Variants in RGP1 observed in about 807,000 individuals in gnomAD.
RGP1 encodes RGP1 partner of RAB6A GEF complex.
A neutral mutation model predicts 44.5 loss-of-function variants in RGP1; 28 were observed. The ratio of observed to expected loss-of-function variants is 0.63; its 90% confidence interval spans 0.47 to 0.86. RGP1 has a LOEUF of 0.86. RGP1 is among the 40% of genes least tolerant of loss of function. The pLI is 0.00. For missense variants in RGP1, 417 were observed against 490.7 expected (o/e 0.85, Z 1.42); for synonymous variants, 212 against 196.7 (o/e 1.08, Z -0.65).
At chr9:35,768,996 C>G in the RGP1 span, among the ~76,000 whole-genome samples, 4 of 152,204 alleles carry the variant, frequency 2.6e-5, no homozygotes, top group African/African-American at 9.7e-5. Flanking sequence ...GCTCACCCAC[C>G]ACTTTCGATA....
the RGP1 span, among the ~76,000 whole-genome samples, chr9:35,789,182 T>C: frequency 6.6e-6 from 1 of 152,092 alleles, no homozygotes. Flanking sequence ...CACGCCCAGC[T>C]AATTTTTGTG....
Position 35,749,848 on chromosome 9 carries a change from G to C in RGP1, c.93G>C (p.Pro31=), listed in dbSNP as rs2236288. Residue 31 remains proline, a synonymous_variant, in exon 2 of 9, where the codon CCG becomes CCC. Coordinates refer to ENST00000378078, the MANE Select transcript of RGP1 (RefSeq NM_001080496.3). The surrounding 1 kb of genome is among the most constrained non-coding windows in gnomAD (Gnocchi z 4.4). ...TAGTGACCGTCACCAACCCCCTTCC[G>C]CCCACGGCCACTTCTGCATCCAGGT... The part of the protein sequence containing the change: ...ECVVTVTNPL[P]PTATSASSEA... 0.23 allele frequency: 377,720 copies of C among 1,611,268 alleles called. 47,520 individuals are homozygous for C. Among genetic ancestry groups the C allele is most frequent in the African/African-American group, 0.45 (33,978 of 74,808 alleles).
the RGP1 span, among the ~76,000 whole-genome samples, chr9:35,789,978 C>A: frequency 6.6e-6 from 1 of 152,160 alleles, no homozygotes; most frequent in African/African-American, 2.4e-5. Flanking sequence ...ATCCTCTTAG[C>A]CCTGCCATTC....
chr9:35,754,156 T>C lies in RGP1; in HGVS notation c.*1282T>C. 6.3e-7 allele frequency: 1 copy of C among 1,598,678 alleles called. No individual in the cohort carries two copies. Among genetic ancestry groups the C allele is most frequent in the Non-Finnish European group, 8.5e-7 (1 of 1,170,536 alleles). ...GCTGCTGCACAGCCCTCTCAGACCC[T>C]TCTTGGCCTCTGCTCAGCTACTCTG... On this transcript the variant is annotated 3_prime_UTR_variant, in exon 9 of 9. Transcript: ENST00000378078.
At chr9:35,787,744 T>C in the RGP1 span, among the ~76,000 whole-genome samples, 3 of 152,266 alleles carry the variant, frequency 2.0e-5, no homozygotes, top group African/African-American at 7.2e-5. Context: ...TTCTATATAC[T>C]TTGCTACATT....
chr9:35,772,966 T>G, the RGP1 span, among the ~76,000 whole-genome samples: 6 of 152,214 alleles, frequency 3.9e-5, no homozygotes, highest in Middle Eastern at 3.2e-3. Flanking sequence ...TTTACTGGTG[T>G]ATTTGTTAAG....
chr9:35,785,017 G>A, the RGP1 span, among the ~76,000 whole-genome samples: 3 of 152,136 alleles, frequency 2.0e-5, no homozygotes, highest in South Asian at 2.1e-4. Context: ...ACCTTCACAA[G>A]TTTCCCCAGA....
At chr9:35,766,891 A>C in the RGP1 span, among the ~76,000 whole-genome samples, 1 of 152,238 alleles carries the variant, frequency 6.6e-6, no homozygotes, top group African/African-American at 2.4e-5. Context: ...TAATGAAAAC[A>C]CTAGACAATG....
chr9:35,769,473 C>A, the RGP1 span, among the ~76,000 whole-genome samples: 1 of 152,136 alleles, frequency 6.6e-6, no homozygotes, highest in East Asian at 1.9e-4. Context: ...AGGGAATAAA[C>A]ACACATGAAT....
At position 35,750,662 on chromosome 9, in the gene RGP1, GA is replaced by G; in HGVS notation, c.259del (p.Arg87GlyfsTer17). On this transcript the variant is annotated frameshift_variant, in exon 4 of 9. Coordinates refer to ENST00000378078, the MANE Select transcript of RGP1 (RefSeq NM_001080496.3). LOFTEE classifies it high-confidence loss of function. ...AGTCATTTTTACCTTTTTCAGGTGA[GA>G]GGGGCCAGTGTATCCTTTCTACTCC... ...QTVFLPHRGE[R>X]GQCILSTPPK... 4.3e-6 allele frequency: 7 copies of G among 1,613,942 alleles called. No homozygotes were observed. The highest frequency in any genetic ancestry group is 5.9e-6 in the Non-Finnish European group (7 of 1,179,838).
chr9:35,753,527 G>T lies in RGP1; in HGVS notation c.*653G>T. The T allele has an allele frequency of 2.5e-6, 2 of 816,156 alleles. No individual in the cohort carries two copies. The highest frequency in any genetic ancestry group is 4.0e-6 in the Non-Finnish European group (2 of 505,836). 50.6% of individuals were successfully genotyped at this position (816,156 alleles called of 1,614,324 possible). A position where few individuals can be genotyped will look rare whatever the true frequency, so the allele number is the denominator to read the frequency against. On this transcript the variant is annotated 3_prime_UTR_variant, in exon 9 of 9. Transcript: ENST00000378078. This position sits in a 1 kb window ranked among gnomAD's most constrained non-coding sequence, Gnocchi z 4.2. ...AAGCCTTATCTTTCACACTAGTGTTGGTCCCTTCAGGTTTGGCCCATCTTG... is the reference window on the plus strand; with the variant it reads ...AAGCCTTATCTTTCACACTAGTGTTTGTCCCTTCAGGTTTGGCCCATCTTG...
At position 35,754,457 on chromosome 9, in the gene RGP1, G is replaced by C. The variant is rs904956014; in HGVS notation, c.*1583G>C. ...CTAGAGGGAGGGAGGTGGCCATGGA[G>C]GGGGCACTGGACTGGGCACTTCCCC... On this transcript the variant is annotated 3_prime_UTR_variant, in exon 9 of 9. Coordinates refer to ENST00000378078, the MANE Select transcript of RGP1 (RefSeq NM_001080496.3). The C allele has an allele frequency of 4.9e-6, 1 of 205,990 alleles. No homozygotes were observed. The highest frequency in any genetic ancestry group is 2.3e-5 in the African/African-American group (1 of 43,112). 12.8% of individuals were successfully genotyped at this position (205,990 alleles called of 1,614,324 possible).
chr9:35,789,357 G>A, the RGP1 span, among the ~76,000 whole-genome samples: 1 of 145,466 alleles, frequency 6.9e-6, no homozygotes, highest in Non-Finnish European at 1.5e-5. Flanking sequence ...TTTTGAGACA[G>A]GGTCTTGCTG....
chr9:35,787,715 A>C, the RGP1 span, among the ~76,000 whole-genome samples: 2 of 152,364 alleles, frequency 1.3e-5, no homozygotes, highest in East Asian at 3.9e-4. Context: ...GCAGAATTTG[A>C]GTAAAGTCTC....
the RGP1 span, among the ~76,000 whole-genome samples, chr9:35,774,340 C>G: frequency 1.3e-5 from 2 of 152,198 alleles, no homozygotes; most frequent in Non-Finnish European, 2.9e-5. Context: ...CTGGATGACC[C>G]GGTAGGCAGA....
At chr9:35,752,255 G>T (rs1570249) in intron 8 of RGP1, 110 bp downstream of exon 8, 1 of 1,078,926 alleles carries the variant, frequency 9.3e-7, no homozygotes, top group Admixed American at 3.2e-5. Context: ...ACATACCCAC[G>T]TCTAGCCTCT....
the RGP1 span, among the ~76,000 whole-genome samples, chr9:35,768,179 ACCCT>A: frequency 7.0e-6 from 1 of 143,116 alleles, no homozygotes; most frequent in South Asian, 2.2e-4. Context: ...CTCCCACCTC[ACCCT>A]CCCAAGTAGC....
chr9:35,789,185 T>G, the RGP1 span, among the ~76,000 whole-genome samples: 6 of 152,052 alleles, frequency 3.9e-5, no homozygotes, highest in African/African-American at 1.2e-4. Context: ...GCCCAGCTAA[T>G]TTTTGTGTTT....
At chr9:35,782,590 C>T in the RGP1 span, among the ~76,000 whole-genome samples, 8 of 152,026 alleles carry the variant, frequency 5.3e-5, no homozygotes, top group African/African-American at 1.2e-4. Flanking sequence ...GGATCACAGG[C>T]GCGTGCCATC....
Sources: gnomAD v4.1 joint callset for allele counts (sites outside exome capture counted in the v4.1 genomes callset) on GRCh38, gnomAD v4.1.1 for gene constraint, Gnocchi (gnomAD v3.1) non-coding constraint, MANE v1.5 for transcripts, NCBI Gene and HGNC (gene_info 2026-07-23, HGNC 2026-07-21) for gene names.